The following RPH3AL variants were observed in gnomAD, a reference collection of about 807,000 sequenced individuals.
RPH3AL encodes rabphilin 3A like (without C2 domains), also known as rab effector Noc2.
In RPH3AL, 38 loss-of-function variants were observed where a neutral mutation model predicts 43.1. That is an observed-to-expected ratio of 0.88 (90% CI 0.68 to 1.15). The LOEUF (loss-of-function observed/expected upper bound fraction) is 1.15. Ranked by LOEUF, RPH3AL falls within the 50% of genes most tolerant of loss-of-function variation. The probability of loss-of-function intolerance (pLI) is 0.00; values close to 1 mark genes in which losing one functional copy is unlikely to be tolerated. For synonymous variants in RPH3AL, 189 were observed against 176.3 expected (o/e 1.07, Z -0.57); for missense variants, 462 against 423.2 (o/e 1.09, Z -0.81).
intron 8 of RPH3AL, among the ~76,000 whole-genome samples, chr17:217,509 T>C (rs2040838360): frequency 2.8e-5 from 2 of 70,554 alleles, no homozygotes; most frequent in Admixed American, 1.3e-4. Flanking sequence ...AGAGCCCTTC[T>C]TCTGCGCTAA....
chr17:244,942 G>A (rs2041711598), intron 7 of RPH3AL, among the ~76,000 whole-genome samples: 2 of 152,138 alleles, frequency 1.3e-5, no homozygotes, highest in Admixed American at 6.5e-5. Context: ...GCTAGTGTGT[G>A]TACATGCATG....
intron 6 of RPH3AL, among the ~76,000 whole-genome samples, chr17:253,864 CATCCCTA>C (rs2041994654): frequency 1.6e-4 from 7 of 42,744 alleles, no homozygotes; most frequent in African/African-American, 3.2e-4. Flanking sequence ...TGTCCTGTTC[CATCCCTA>C]GGAATGTGAC....
At position 247,291 on chromosome 17, in the gene RPH3AL, T is replaced by C; in HGVS notation, c.439-6A>G. On this transcript the variant is annotated splice_polypyrimidine_tract_variant and splice_region_variant and intron_variant, in intron 6 of 9. Coordinates refer to ENST00000331302, the MANE Select transcript of RPH3AL (RefSeq NM_006987.4). ...GCCCCCGACCTCTTCCAGACCTGAG[T>C]GGGGGAAGAGAGCTGCTTGGGGCAC... 6.4e-7 allele frequency: 1 copy of C among 1,564,818 alleles called. No individual in the cohort carries two copies. Among genetic ancestry groups the C allele is most frequent in the Non-Finnish European group, 8.7e-7 (1 of 1,153,980 alleles).
chr17:242,987 A>ACCTTCCTCTATTGATTAC (rs2041608288), intron 7 of RPH3AL, among the ~76,000 whole-genome samples: 1 of 127,064 alleles, frequency 7.9e-6, no homozygotes, highest in African/African-American at 3.1e-5. Flanking sequence ...TCTATTGAAT[A>ACCTTCCTCTATTGATTAC]CCTTCCTCTA....
intron 7 of RPH3AL, among the ~76,000 whole-genome samples, chr17:239,707 G>A (rs570379430): frequency 1.3e-4 from 20 of 152,118 alleles, no homozygotes; most frequent in Admixed American, 7.8e-4. Context: ...GCTTACTGCC[G>A]CTTCAAGCTC....
In RPH3AL at chr17:245,324, AGTGT is replaced by A. The variant is rs767252071; in HGVS notation, c.613+1783_613+1786del. ...GGATGTGTGTGTGGATGTGGATGTC[AGTGT>A]GTGTGTGTGGATGTGAGTGTGTATG... On this transcript the variant is annotated intron_variant, in intron 7 of 9. Transcript: ENST00000331302. The surrounding 1 kb of genome is among the most constrained non-coding windows in gnomAD (Gnocchi z 5.9). Among the ~76,000 whole-genome samples, 6 of 103,678 alleles carry A rather than the reference AGTGT, an allele frequency of 5.8e-5. No individual in the cohort carries two copies. The highest frequency in any genetic ancestry group is 9.2e-5 in the Admixed American group (1 of 10,826). 68.0% of individuals were successfully genotyped at this position (103,678 alleles called of 152,430 possible). A position where few individuals can be genotyped will look rare whatever the true frequency, so the allele number is the denominator to read the frequency against.
Position 320,889 on chromosome 17 carries a change from G to C in RPH3AL, c.221+383C>G, listed in dbSNP as rs1265958259. Reference sequence around the variant, plus strand: ...TAGAGCCAGGCGGGGAGCGGCTCCTGCTGGAGCCTTTCAGGGGCGACCTGT... The same window carrying C: ...TAGAGCCAGGCGGGGAGCGGCTCCTCCTGGAGCCTTTCAGGGGCGACCTGT... On this transcript the variant is annotated intron_variant, in intron 4 of 9. Coordinates refer to ENST00000331302, the MANE Select transcript of RPH3AL (RefSeq NM_006987.4). Among the ~76,000 whole-genome samples the C allele has an allele frequency of 3.3e-5, 5 of 152,356 alleles. No individual in the cohort carries two copies. In the East Asian group the frequency reaches 9.7e-4, roughly 29 times the overall value.
chr17:233,114 G>A (rs1280655873), intron 7 of RPH3AL, among the ~76,000 whole-genome samples: 3 of 151,524 alleles, frequency 2.0e-5, no homozygotes, highest in African/African-American at 4.9e-5. Context: ...ACGGGATTTC[G>A]TTTGACAGCA....
At position 289,060 on chromosome 17, in the gene RPH3AL, G is replaced by A. The variant is rs1164854261; in HGVS notation, c.352-7206C>T. Among the ~76,000 whole-genome samples, 1 of 152,118 alleles carries A rather than the reference G, an allele frequency of 6.6e-6. No individual in the cohort carries two copies. Among genetic ancestry groups the A allele is most frequent in the Non-Finnish European group, 1.5e-5 (1 of 68,022 alleles). ...GGGGTTCCCCAGGGACCTGCCCACG[G>A]GACACAGGCTTTGGGGCAGGAGAGA... On this transcript the variant is annotated intron_variant, in intron 5 of 9. Coordinates refer to ENST00000331302, the MANE Select transcript of RPH3AL (RefSeq NM_006987.4). The surrounding 1 kb of genome is among the most constrained non-coding windows in gnomAD (Gnocchi z 5.2).
rs377285706 is a variant in RPH3AL, at chr17:235,547, G to A, written c.613+11564C>T. 6.5e-3 allele frequency among the ~76,000 whole-genome samples: 391 copies of A among 60,154 alleles called. 7 individuals carry two copies. Among genetic ancestry groups the A allele is most frequent in the Middle Eastern group, 0.047 (3 of 64 alleles). The allele number at this position is 60,154 out of a possible 152,430, so 39.5% of individuals were successfully genotyped here. On this transcript the variant is annotated intron_variant, in intron 7 of 9. Transcript: ENST00000331302. ...CGGAGGCTCCACACTAACAAGACGG[G>A]TCCCGGGTTCAAAGCTGGGGTCGGT...
chr17:347,558 T>G (rs1405084911), intron 1 of RPH3AL, among the ~76,000 whole-genome samples: 1 of 151,232 alleles, frequency 6.6e-6, no homozygotes, highest in African/African-American at 2.4e-5. Flanking sequence ...CACTCCAGCC[T>G]GGGTGACAGA....
At chr17:236,903 T>G (rs2041409447) in intron 7 of RPH3AL, among the ~76,000 whole-genome samples, 1 of 152,278 alleles carries the variant, frequency 6.6e-6, no homozygotes, top group African/African-American at 2.4e-5. Context: ...CTGGGCCCTC[T>G]TGGGCACAGC....
At chr17:240,950 A>C (rs1223939469) in intron 7 of RPH3AL, among the ~76,000 whole-genome samples, 3 of 151,812 alleles carry the variant, frequency 2.0e-5, no homozygotes, top group African/African-American at 7.3e-5. Flanking sequence ...CCAGCTACTC[A>C]GGAGGCTGAG....
intron 5 of RPH3AL, among the ~76,000 whole-genome samples, chr17:297,120 C>T (rs898255317): frequency 8.5e-5 from 13 of 152,324 alleles, no homozygotes; most frequent in South Asian, 2.1e-4. Context: ...AAACCCAAGA[C>T]GTCGGGGCTT....
chr17:349,947 C>T lies in RPH3AL; in HGVS notation c.-213+2765G>A, dbSNP rs182699706. On this transcript the variant is annotated intron_variant, in intron 1 of 9. Coordinates refer to ENST00000331302, the MANE Select transcript of RPH3AL (RefSeq NM_006987.4). ...CAGCACACCACAGGGACAGCACACA[C>T]CCACACAGAGGAGCACAGAGGCCAA... 1.3e-3 allele frequency among the ~76,000 whole-genome samples: 204 copies of T among 152,304 alleles called. 1 individual carries two copies. Among genetic ancestry groups the T allele is most frequent in the African/African-American group, 3.9e-3 (161 of 41,556 alleles).
At chr17:271,981 T>A (rs1567603150) in intron 6 of RPH3AL, among the ~76,000 whole-genome samples, 2 of 152,190 alleles carry the variant, frequency 1.3e-5, no homozygotes, top group Non-Finnish European at 2.9e-5. Context: ...AAGACATTTA[T>A]GCAGCCAAAA....
At chr17:282,904 G>A (rs1461042708) in intron 5 of RPH3AL, among the ~76,000 whole-genome samples, 1 of 152,210 alleles carries the variant, frequency 6.6e-6, no homozygotes, top group Non-Finnish European at 1.5e-5. Flanking sequence ...TTATAATGGT[G>A]TGGGACATTT....
intron 5 of RPH3AL, among the ~76,000 whole-genome samples, chr17:301,375 C>T (rs1376728613): frequency 1.3e-5 from 2 of 152,218 alleles, no homozygotes; most frequent in Admixed American, 6.5e-5. Context: ...GGGAGCACGG[C>T]TCACTGTAGC....
rs1312064251 is a variant in RPH3AL at position 283,440 on chromosome 17, C to T, written c.352-1586G>A. On this transcript the variant is annotated intron_variant, in intron 5 of 9. Coordinates refer to ENST00000331302, the MANE Select transcript of RPH3AL (RefSeq NM_006987.4). The surrounding 1 kb of genome is among the most constrained non-coding windows in gnomAD (Gnocchi z 4.2). ...CAATGCTCAGGTACGAGAAATGTCA[C>T]CTTTTATTTATCCAAAGAAAATGCA... Among the ~76,000 whole-genome samples the T allele has an allele frequency of 6.6e-6, 1 of 152,122 alleles. No homozygotes were observed.
Sources: allele counts gnomAD v4.1 joint callset (sites outside exome capture counted in the v4.1 genomes callset), GRCh38; gene constraint gnomAD v4.1.1; non-coding constraint Gnocchi (gnomAD v3.1); transcripts MANE v1.5; gene names NCBI Gene and HGNC (gene_info 2026-07-23, HGNC 2026-07-21).